RAB31: variants seen among roughly 807,000 people sequenced by gnomAD.
RAB31 encodes the protein RAB31, member RAS oncogene family.
RAB31 carries 21 observed loss-of-function variants against 25.6 expected under a neutral mutation model. The observed-to-expected ratio is 0.82, with a 90% confidence interval of 0.58 to 1.18. The LOEUF is 1.18. Ranked by LOEUF, RAB31 falls within the 50% of genes most tolerant of loss-of-function variation. The pLI is 0.00. For missense variants in RAB31, 196 were observed against 250.1 expected, an observed-to-expected ratio of 0.78 and a Z score of 1.46; for synonymous variants, 87 against 84.0, an observed-to-expected ratio of 1.04 and a Z score of -0.20.
At chr18:9,786,288 A>G (rs1406548464) in intron 2 of RAB31, among the ~76,000 whole-genome samples, 3 of 152,268 alleles carry the variant, frequency 2.0e-5, no homozygotes, top group Non-Finnish European at 4.4e-5. Flanking sequence ...CAGGGAGGGC[A>G]TGGCAGCTCT....
chr18:9,724,401 G>A (rs564091439), intron 1 of RAB31, among the ~76,000 whole-genome samples: 4 of 151,546 alleles, frequency 2.6e-5, no homozygotes, highest in Admixed American at 2.6e-4. Flanking sequence ...TCAGCGCTTT[G>A]CTTCTGACTT....
At position 9,771,037 on chromosome 18, in the gene RAB31, G is replaced by A. The variant is rs139565831; in HGVS notation, c.40-4241G>A. On this transcript the variant is annotated intron_variant, in intron 1 of 6. Transcript: ENST00000578921. ...ACATTTAAAAATAGCAGGGTGTGGCGGTGCACACCTGTAGTCTCGGCTACT... is the reference window on the plus strand; with the variant it reads ...ACATTTAAAAATAGCAGGGTGTGGCAGTGCACACCTGTAGTCTCGGCTACT... 1.4e-4 allele frequency among the ~76,000 whole-genome samples: 22 copies of A among 152,058 alleles called. No individual in the cohort carries two copies. The South Asian group carries it at 1.5e-3, about 10-fold the overall frequency.
intron 1 of RAB31, chr18:9,735,013 T>C: frequency 5.1e-6 from 1 of 196,208 alleles, no homozygotes; most frequent in South Asian, 7.1e-5. Context: ...GTTGTCGTCG[T>C]TGTTGTTGTT....
chr18:9,723,142 G>A (rs1301029555), intron 1 of RAB31, among the ~76,000 whole-genome samples: 1 of 152,122 alleles, frequency 6.6e-6, no homozygotes, highest in African/African-American at 2.4e-5. Flanking sequence ...CTGCCTCCCG[G>A]GTTCAAGCAA....
intron 2 of RAB31, among the ~76,000 whole-genome samples, chr18:9,778,521 A>C (rs529669232): frequency 6.6e-6 from 1 of 152,302 alleles, no homozygotes; most frequent in African/African-American, 2.4e-5. Context: ...CCTAGGCTGG[A>C]GTGCAGTGGC....
chr18:9,733,542 T>C (rs1401650182), intron 1 of RAB31, among the ~76,000 whole-genome samples: 1 of 152,208 alleles, frequency 6.6e-6, no homozygotes, highest in Admixed American at 6.5e-5. Context: ...TTCTGCTTAA[T>C]AGCTCGGCCT....
At chr18:9,749,701 TC>T (rs977233813) in intron 1 of RAB31, among the ~76,000 whole-genome samples, 4 of 152,172 alleles carry the variant, frequency 2.6e-5, no homozygotes, top group African/African-American at 9.7e-5. Flanking sequence ...GCAGAATTGT[TC>T]CCATGAATGG....
At chr18:9,849,623 T>C (rs508816) in intron 6 of RAB31, 100,508 of 152,234 alleles carry the variant, frequency 0.66, 33,397 homozygotes, top group South Asian at 0.77. Flanking sequence ...TCTTGGTAAT[T>C]GGTGCTGCGC....
intron 1 of RAB31, among the ~76,000 whole-genome samples, chr18:9,759,757 T>C (rs1449444327): frequency 2.0e-5 from 3 of 152,090 alleles, no homozygotes; most frequent in Non-Finnish European, 4.4e-5. Context: ...GCCTCTCAAC[T>C]TGAATGGAAA....
At chr18:9,783,511 G>A (rs1343114768) in intron 2 of RAB31, among the ~76,000 whole-genome samples, 4 of 152,048 alleles carry the variant, frequency 2.6e-5, no homozygotes, top group Non-Finnish European at 5.9e-5. Context: ...ATTTATCGCA[G>A]CACCTAGAAT....
At position 9,799,009 on chromosome 18, in the gene RAB31, AG is replaced by A. The variant is rs2068500825; in HGVS notation, c.201+6775del. The stretch of plus-strand genomic sequence containing the variant: ...TGAAGTGAGAGAATCGCTTGAACCC[AG>A]AAGGCGAATGTTGCAGTGAGCTGAG... On this transcript the variant is annotated intron_variant, in intron 3 of 6. Transcript: ENST00000578921. Among the ~76,000 whole-genome samples, 3 of 152,276 alleles carry A rather than the reference AG, an allele frequency of 2.0e-5. No homozygotes were observed. The South Asian group carries it at 6.2e-4, about 32-fold the overall frequency.
At chr18:9,780,006 C>A (rs572557836) in intron 2 of RAB31, among the ~76,000 whole-genome samples, 1 of 151,952 alleles carries the variant, frequency 6.6e-6, no homozygotes, top group African/African-American at 2.4e-5. Context: ...GAAACTTGGT[C>A]TCTACAAAAA....
At chr18:9,854,261 G>T (rs1349357100) in intron 6 of RAB31, among the ~76,000 whole-genome samples, 3 of 151,976 alleles carry the variant, frequency 2.0e-5, no homozygotes, top group Middle Eastern at 3.4e-3. Flanking sequence ...AGTTTGCTGA[G>T]AACGTGGAGG....
At chr18:9,830,609 GCATGCCAC>G (rs927920934) in intron 5 of RAB31, 10 of 152,310 alleles carry the variant, frequency 6.6e-5, no homozygotes, top group African/African-American at 2.4e-4. Context: ...GACTGCGGGT[GCATGCCAC>G]CATGCCAGGC....
chr18:9,714,360 G>A (rs1004685215), intron 1 of RAB31, among the ~76,000 whole-genome samples: 31 of 152,108 alleles, frequency 2.0e-4, no homozygotes, highest in African/African-American at 6.3e-4. Flanking sequence ...CCTCACATGC[G>A]CAGTTCACAA....
At chr18:9,776,327 A>G (rs1459416643) in intron 2 of RAB31, among the ~76,000 whole-genome samples, 2 of 152,114 alleles carry the variant, frequency 1.3e-5, no homozygotes, top group African/African-American at 4.8e-5. Flanking sequence ...AAGTCTTTGT[A>G]GGCAATGTAT....
intron 2 of RAB31, among the ~76,000 whole-genome samples, chr18:9,790,087 C>T (rs1194542096): frequency 3.3e-5 from 5 of 152,062 alleles, no homozygotes; most frequent in South Asian, 2.1e-4. Context: ...CTCTTTACCC[C>T]GAAAACCCCA....
At chr18:9,824,461 G>C (rs2068640252) in intron 5 of RAB31, among the ~76,000 whole-genome samples, 1 of 151,084 alleles carries the variant, frequency 6.6e-6, no homozygotes, top group South Asian at 2.1e-4. Context: ...TGTGTGTGTA[G>C]GTGTGTGTGT....
intron 1 of RAB31, among the ~76,000 whole-genome samples, chr18:9,737,323 C>A (rs552361998): frequency 2.8e-4 from 42 of 152,134 alleles, no homozygotes; most frequent in South Asian, 1.7e-3. Flanking sequence ...ACACACACAC[C>A]CCCACACCCA....
Sources: gnomAD v4.1 joint callset for allele counts (sites outside exome capture counted in the v4.1 genomes callset) on GRCh38, gnomAD v4.1.1 for gene constraint, MANE v1.5 for transcripts, NCBI Gene and HGNC (gene_info 2026-07-23, HGNC 2026-07-21) for gene names.